The following FGF13 variants were observed in gnomAD, a reference collection of about 807,000 sequenced individuals.
The protein encoded by FGF13 is fibroblast growth factor 13.
FGF13 carries 2 observed loss-of-function variants against 19.5 expected under a neutral mutation model. That is an observed-to-expected ratio of 0.10 (90% confidence interval 0.04 to 0.32). The LOEUF (loss-of-function observed/expected upper bound fraction) is 0.32, where lower values mean the gene tolerates loss of function less well. FGF13 is among the 10% of genes least tolerant of loss of function. FGF13 has a pLI of 1.00. For synonymous variants in FGF13, 72 were observed against 76.9 expected, an observed-to-expected ratio of 0.94 and a Z score of 0.33; for missense variants, 113 against 192.7, an observed-to-expected ratio of 0.59 and a Z score of 2.45.
intron 3 of FGF13, among the ~76,000 whole-genome samples, chrX:138,805,375 G>T (rs1035971473): frequency 4.5e-5 from 5 of 111,929 alleles, no homozygotes; most frequent in Non-Finnish European, 9.4e-5. Flanking sequence ...TGAGAAAATT[G>T]TGATAAACAT....
At chrX:138,762,715 AT>A (rs1346215490) in intron 3 of FGF13, among the ~76,000 whole-genome samples, 1 of 112,127 alleles carries the variant, frequency 8.9e-6, no homozygotes. Flanking sequence ...TATCTGTAAA[AT>A]GGGAATAATA....
At chrX:138,914,433 A>T (rs909768653) in intron 1 of FGF13, among the ~76,000 whole-genome samples, 2 of 111,099 alleles carry the variant, frequency 1.8e-5, no homozygotes, top group African/African-American at 6.6e-5. Flanking sequence ...GCAAAAAGTG[A>T]AAGTCTAGCC....
chrX:138,878,677 T>C lies in FGF13; in HGVS notation c.-112-14027A>G, dbSNP rs1201383463. On this transcript the variant is annotated intron_variant, in intron 1 of 2. Coordinates refer to the FGF13 transcript ENST00000421460. ...TTTGGGTATATACCCAGTAATGGGA[T>C]GGCTGGGTCAAATGGTATTTCTAGT... Among the ~76,000 whole-genome samples, 3 of 107,439 alleles carry C rather than the reference T, an allele frequency of 2.8e-5. No homozygotes were observed. In the Admixed American group the frequency reaches 2.9e-4, roughly 10 times the overall value. 93.3% of individuals were successfully genotyped at this position (107,439 alleles called of 115,157 possible).
At chrX:139,164,688 CAAATAAATAAAT>C (rs778262336) in intron 1 of FGF13, among the ~76,000 whole-genome samples, 5 of 92,556 alleles carry the variant, frequency 5.4e-5, no homozygotes, top group Non-Finnish European at 1.0e-4. Context: ...GACCTTGTCT[CAAATAAATAAAT>C]AAATAAATAA....
chrX:138,692,674 T>C (rs1173911779), intron 3 of FGF13, among the ~76,000 whole-genome samples: 1 of 110,998 alleles, frequency 9.0e-6, no homozygotes, highest in Non-Finnish European at 1.9e-5. Flanking sequence ...AATATAACAT[T>C]ACATTTTTCC....
chrX:138,994,261 C>G (rs972727530), intron 1 of FGF13, among the ~76,000 whole-genome samples: 2 of 111,310 alleles, frequency 1.8e-5, no homozygotes, highest in African/African-American at 6.5e-5. Flanking sequence ...CCTCTGACAA[C>G]AGAGAGAGGA....
rs1030305691 is a variant in FGF13, at chrX:138,625,679, A to G, written c.*7171T>C. On this transcript the variant is annotated 3_prime_UTR_variant, in exon 5 of 5. Transcript: ENST00000315930. ...ATCCTTTGTATAAAAAGAATCTTAA[A>G]AAGTTGAACTAATGGAAACAGAGAG... The G allele has an allele frequency of 8.4e-5, 9 of 107,591 alleles. No homozygotes were observed. Among genetic ancestry groups the G allele is most frequent in the African/African-American group, 3.0e-4 (9 of 29,649 alleles). The allele number at this position is 107,591 out of a possible 1,213,427, so 8.9% of individuals were successfully genotyped here.
chrX:139,075,770 T>C (rs1047166144), intron 1 of FGF13, among the ~76,000 whole-genome samples: 60 of 112,117 alleles, frequency 5.4e-4, no homozygotes, highest in Non-Finnish European at 1.0e-3. Flanking sequence ...TATCTGTACA[T>C]TAATTTGTCC....
At chrX:138,938,261 T>A (rs1212280248) in intron 1 of FGF13, among the ~76,000 whole-genome samples, 1 of 111,433 alleles carries the variant, frequency 9.0e-6, no homozygotes, top group African/African-American at 3.3e-5. Context: ...ACACAGGAGT[T>A]CACTGGTGAT....
intron 3 of FGF13, among the ~76,000 whole-genome samples, chrX:138,652,887 T>C (rs1195666566): frequency 8.9e-6 from 1 of 112,322 alleles, no homozygotes; most frequent in Non-Finnish European, 1.9e-5. Context: ...CTTATCCTAG[T>C]AATATGTGAA....
chrX:138,947,992 G>C (rs766132259), intron 1 of FGF13, among the ~76,000 whole-genome samples: 2 of 111,493 alleles, frequency 1.8e-5, no homozygotes, highest in South Asian at 7.6e-4. Context: ...AAGGAAAGGG[G>C]CCTCAAAAAG....
intron 1 of FGF13, among the ~76,000 whole-genome samples, chrX:138,959,908 T>C (rs183641907): frequency 8.9e-6 from 1 of 111,904 alleles, no homozygotes; most frequent in Admixed American, 9.5e-5. Flanking sequence ...TTTGAGCCTA[T>C]GTGTGTCTCT....
chrX:138,676,075 A>C (rs2089663243), intron 3 of FGF13, among the ~76,000 whole-genome samples: 1 of 112,339 alleles, frequency 8.9e-6, no homozygotes, highest in African/African-American at 3.2e-5. Flanking sequence ...CATTATTATT[A>C]ACTAACAGTT....
chrX:138,782,021 T>G (rs1464811405), intron 3 of FGF13, among the ~76,000 whole-genome samples: 1 of 111,750 alleles, frequency 8.9e-6, no homozygotes, highest in Non-Finnish European at 1.9e-5. Flanking sequence ...AATCAATAAA[T>G]GTAATCCAGC....
upstream of FGF13, among the ~76,000 whole-genome samples, chrX:138,741,350 G>A (rs915579711): frequency 1.2e-4 from 13 of 111,668 alleles, no homozygotes; most frequent in Admixed American, 7.6e-4. Flanking sequence ...CCAGGGATGG[G>A]AGCAGCTCAA....
At chrX:138,865,422 CCTCTCTCTCTTCTCTCT>C (rs2091313010) in intron 1 of FGF13, among the ~76,000 whole-genome samples, 1 of 103,088 alleles carries the variant, frequency 9.7e-6, no homozygotes, top group African/African-American at 3.6e-5. Context: ...AGTGAAAATT[CCTCTCTCTCTTCTCTCT>C]CTCTCTCTCT....
intron 1 of FGF13, among the ~76,000 whole-genome samples, chrX:139,037,394 C>T (rs2092254113): frequency 9.1e-6 from 1 of 110,009 alleles, no homozygotes. Context: ...AATTAGAAAG[C>T]TATTTTATTA....
At chrX:138,971,855 G>A (rs999704267) in intron 1 of FGF13, among the ~76,000 whole-genome samples, 2 of 111,412 alleles carry the variant, frequency 1.8e-5, no homozygotes, top group Non-Finnish European at 3.8e-5. Flanking sequence ...CCTCTCCCCA[G>A]TAGTGGTTAC....
Position 138,625,473 on chromosome X carries a change from TATATATATATAATATATATATATAC to T in FGF13, c.*7352_*7376del, listed in dbSNP as rs1245076277. 4 of 93,024 alleles carry T rather than the reference TATATATATATAATATATATATATAC, an allele frequency of 4.3e-5. No individual in the cohort carries two copies. Among genetic ancestry groups the T allele is most frequent in the Non-Finnish European group, 6.1e-5 (3 of 49,328 alleles). The allele number at this position is 93,024 out of a possible 1,213,427, so 7.7% of individuals were successfully genotyped here. On this transcript the variant is annotated 3_prime_UTR_variant, in exon 5 of 5. Transcript: ENST00000315930. ...AGAAAGAAAATTATATATATATACA[TATATATATATAATATATATATATAC>T]ATATATATATATAATATAATATATA...
Sources: gnomAD v4.1 joint callset for allele counts (sites outside exome capture counted in the v4.1 genomes callset) on GRCh38, gnomAD v4.1.1 for gene constraint, MANE v1.5 for transcripts, NCBI Gene and HGNC (gene_info 2026-07-23, HGNC 2026-07-21) for gene names.